Variants in KATNAL1 observed in about 807,000 individuals in gnomAD.
KATNAL1 encodes the protein katanin p60 ATPase-containing subunit A-like 1.
KATNAL1 carries 32 observed loss-of-function variants against 55.2 expected under a neutral mutation model. The ratio of observed to expected loss-of-function variants is 0.58; its 90% CI spans 0.44 to 0.78. The LOEUF (loss-of-function observed/expected upper bound fraction) is 0.78, where lower values mean the gene tolerates loss of function less well. Among genes scored for constraint, KATNAL1 ranks in the 30% least tolerant of loss-of-function variants. KATNAL1 has a pLI of 0.00. For missense variants in KATNAL1, 466 were observed against 600.9 expected, an observed-to-expected ratio of 0.78 and a Z score of 2.35; for synonymous variants, 193 against 193.6, an observed-to-expected ratio of 1.00 and a Z score of 0.02.
chr13:30,290,105 A>AG (rs1266645472), intron 1 of KATNAL1, among the ~76,000 whole-genome samples: 1 of 152,218 alleles, frequency 6.6e-6, no homozygotes, highest in African/African-American at 2.4e-5. Flanking sequence ...CCTGGACTGC[A>AG]GTTTGCCGAC....
chr13:30,300,620 C>A (rs1420926225), intron 1 of KATNAL1, among the ~76,000 whole-genome samples: 5 of 152,216 alleles, frequency 3.3e-5, no homozygotes, highest in Admixed American at 3.3e-4. Flanking sequence ...ACCATGACTT[C>A]TCAAATTAAT....
intron 1 of KATNAL1, among the ~76,000 whole-genome samples, chr13:30,286,446 T>C (rs1881794135): frequency 2.0e-5 from 3 of 152,332 alleles, no homozygotes; most frequent in African/African-American, 4.8e-5. Context: ...GCCCCAAGTT[T>C]TGGCAGCTTC....
intron 2 of KATNAL1, among the ~76,000 whole-genome samples, chr13:30,281,082 T>C (rs560517743): frequency 3.9e-4 from 51 of 131,042 alleles, no homozygotes; most frequent in African/African-American, 1.5e-3. Flanking sequence ...ACAATCACGC[T>C]CCTGCACTCC....
At chr13:30,229,126 C>T (rs897796170) in intron 8 of KATNAL1, among the ~76,000 whole-genome samples, 1 of 151,580 alleles carries the variant, frequency 6.6e-6, no homozygotes, top group African/African-American at 2.4e-5. Flanking sequence ...GTCTACCACA[C>T]AGCTAACTTA....
At chr13:30,298,906 C>T (rs1293001429) in intron 1 of KATNAL1, among the ~76,000 whole-genome samples, 1 of 152,060 alleles carries the variant, frequency 6.6e-6, no homozygotes, top group Non-Finnish European at 1.5e-5. Context: ...AGGCAAAATT[C>T]AAAAATACAG....
intron 1 of KATNAL1, among the ~76,000 whole-genome samples, chr13:30,305,196 T>A (rs528235732): frequency 6.6e-6 from 1 of 152,298 alleles, no homozygotes; most frequent in East Asian, 1.9e-4. Context: ...CAAGAAAAAT[T>A]CTAAACTCTG....
At chr13:30,296,062 A>C in intron 1 of KATNAL1, 1 of 221,132 alleles carries the variant, frequency 4.5e-6, no homozygotes, top group Non-Finnish European at 8.9e-6. Context: ...AAAAAATTTT[A>C]ATTAGTCACA....
Position 30,208,417 on chromosome 13 carries a change from T to C in KATNAL1, c.*123A>G, listed in dbSNP as rs1873349906. ...TTAGTATTCTTCGCAGTTTTAGATT[T>C]TTTTTTCCTTTAAGCGAAAACCACT... On this transcript the variant is annotated 3_prime_UTR_variant, in exon 11 of 11. Coordinates refer to ENST00000380615, the MANE Select transcript of KATNAL1 (RefSeq NM_032116.5). 2.7e-6 allele frequency: 2 copies of C among 744,624 alleles called. No homozygotes were observed. The highest frequency in any genetic ancestry group is 4.2e-6 in the Non-Finnish European group (2 of 474,716). The allele number at this position is 744,624 out of a possible 1,614,324, so 46.1% of individuals were successfully genotyped here. A position where few individuals can be genotyped will look rare whatever the true frequency, so the allele number is the denominator to read the frequency against.
intron 3 of KATNAL1, among the ~76,000 whole-genome samples, chr13:30,261,210 T>C (rs1162842035): frequency 2.0e-5 from 3 of 151,870 alleles, no homozygotes; most frequent in African/African-American, 7.3e-5. Context: ...AAAGAGCTCC[T>C]TAAGGAAGCA....
chr13:30,237,287 A>T (rs1876783660), intron 6 of KATNAL1, among the ~76,000 whole-genome samples: 1 of 152,210 alleles, frequency 6.6e-6, no homozygotes, highest in Non-Finnish European at 1.5e-5. Context: ...GAGGAAAAAA[A>T]GTCGAATCTG....
At chr13:30,260,270 G>GA (rs1422151790) in intron 3 of KATNAL1, among the ~76,000 whole-genome samples, 2 of 152,026 alleles carry the variant, frequency 1.3e-5, no homozygotes, top group African/African-American at 2.4e-5. Context: ...CAAAGATGGG[G>GA]AAAAAAACAG....
At chr13:30,255,956 T>C (rs1178526675) in intron 3 of KATNAL1, among the ~76,000 whole-genome samples, 5 of 152,204 alleles carry the variant, frequency 3.3e-5, no homozygotes, top group Non-Finnish European at 7.3e-5. Context: ...ATTTTATTCA[T>C]TACTGTCCTA....
At chr13:30,302,816 G>C (rs1249836730) in intron 1 of KATNAL1, among the ~76,000 whole-genome samples, 3 of 152,136 alleles carry the variant, frequency 2.0e-5, no homozygotes, top group Non-Finnish European at 4.4e-5. Context: ...TGCACTGTTT[G>C]ACATAAAGAC....
intron 1 of KATNAL1, among the ~76,000 whole-genome samples, chr13:30,287,233 AC>A (rs1195396656): frequency 6.6e-6 from 1 of 152,164 alleles, no homozygotes; most frequent in East Asian, 1.9e-4. Flanking sequence ...CTGTGTTCCC[AC>A]CCAAATCTCA....
intron 3 of KATNAL1, among the ~76,000 whole-genome samples, chr13:30,273,742 C>G (rs1357137980): frequency 6.6e-6 from 1 of 152,166 alleles, no homozygotes; most frequent in Non-Finnish European, 1.5e-5. Flanking sequence ...ATAACCTATT[C>G]CATCATATAA....
intron 4 of KATNAL1, among the ~76,000 whole-genome samples, chr13:30,249,839 C>T (rs1878137333): frequency 6.6e-6 from 1 of 152,102 alleles, no homozygotes; most frequent in East Asian, 1.9e-4. Flanking sequence ...CAGTGAGATG[C>T]TGAAGTTGTT....
intron 1 of KATNAL1, among the ~76,000 whole-genome samples, chr13:30,286,555 G>A (rs1271375149): frequency 6.6e-6 from 1 of 152,230 alleles, no homozygotes; most frequent in Non-Finnish European, 1.5e-5. Flanking sequence ...GGAGGTCCAG[G>A]CAGAAGTCTG....
chr13:30,280,963 A>G (rs557982121), intron 2 of KATNAL1, among the ~76,000 whole-genome samples: 1 of 152,172 alleles, frequency 6.6e-6, no homozygotes, highest in South Asian at 2.1e-4. Context: ...AAACAAAAAA[A>G]TTAGTCCAGG....
Position 30,242,095 on chromosome 13 carries a change from T to A in KATNAL1, c.493-1009A>T, listed in dbSNP as rs1046004789. Among the ~76,000 whole-genome samples the A allele has an allele frequency of 2.0e-5, 3 of 152,278 alleles. No individual in the cohort carries two copies. In the South Asian group the frequency reaches 6.2e-4, roughly 32 times the overall value. On this transcript the variant is annotated intron_variant, in intron 4 of 10. Transcript: ENST00000380615. Reference sequence around the variant, plus strand: ...CTTAGGCTAGAGTCAAATTTTATAGTACAGATAGGCCAAGGCTACCAAGTC... The same window carrying A: ...CTTAGGCTAGAGTCAAATTTTATAGAACAGATAGGCCAAGGCTACCAAGTC...
Sources: gnomAD v4.1 joint callset for allele counts (sites outside exome capture counted in the v4.1 genomes callset) on GRCh38, gnomAD v4.1.1 for gene constraint, MANE v1.5 for transcripts, NCBI Gene and HGNC (gene_info 2026-07-23, HGNC 2026-07-21) for gene names.